The following POLR3E variants were observed in gnomAD, a reference collection of about 807,000 sequenced individuals.
The protein encoded by POLR3E is DNA-directed RNA polymerase III subunit RPC5.
POLR3E carries 41 observed loss-of-function variants against 96.6 expected under a neutral mutation model. The observed-to-expected ratio is 0.42, with a 90% CI of 0.33 to 0.55. POLR3E has a LOEUF of 0.55. Among genes scored for constraint, POLR3E ranks in the 20% least tolerant of loss-of-function variants. The pLI, the probability that POLR3E is intolerant of heterozygous loss-of-function variation, is 0.06. For synonymous variants in POLR3E, 396 were observed against 383.6 expected, an observed-to-expected ratio of 1.03 and a Z score of -0.38; for missense variants, 849 against 952.1, an observed-to-expected ratio of 0.89 and a Z score of 1.43.
rs747226605 is a variant in POLR3E at position 22,298,978 on chromosome 16, C to G, written c.-39+1441C>G. Reference sequence around the variant, plus strand: ...TTGAGGAAACTGAAGCACTGAGAAGCCTTCATGGAGCTTACGTTCTATTGC... The same window carrying G: ...TTGAGGAAACTGAAGCACTGAGAAGGCTTCATGGAGCTTACGTTCTATTGC... On this transcript the variant is annotated intron_variant, in intron 1 of 20. Transcript: ENST00000299853. 9.2e-5 allele frequency: 42 copies of G among 455,852 alleles called. 1 individual carries two copies. The highest frequency in any genetic ancestry group is 3.7e-4 in the South Asian group (24 of 64,556). The allele number at this position is 455,852 out of a possible 1,614,324, so 28.2% of individuals were successfully genotyped here.
intron 1 of POLR3E, 194 bp from the exon 2 acceptor site, chr16:22,302,737 C>A: frequency 1.7e-6 from 1 of 586,788 alleles, no homozygotes; most frequent in South Asian, 2.1e-5. Flanking sequence ...TTGAGTGTTT[C>A]TTTTTTTCTT....
At chr16:22,314,794 G>A (rs1169146445) in intron 8 of POLR3E, 12 of 242,542 alleles carry the variant, frequency 4.9e-5, no homozygotes, top group Non-Finnish European at 7.2e-5. Flanking sequence ...ACTTAGAAAA[G>A]GCATCCTGGG....
rs754280418 is a variant in POLR3E, at chr16:22,333,883, A to AAGTT, written c.*190_*193dup. 3 of 547,228 alleles carry AAGTT rather than the reference A, an allele frequency of 5.5e-6. No individual in the cohort carries two copies. In the African/African-American group the frequency reaches 5.6e-5, roughly 10 times the overall value. 33.9% of individuals were successfully genotyped at this position (547,228 alleles called of 1,614,324 possible). A position where few individuals can be genotyped will look rare whatever the true frequency, so the allele number is the denominator to read the frequency against. On this transcript the variant is annotated 3_prime_UTR_variant, in exon 21 of 21. Coordinates refer to ENST00000299853, the MANE Select transcript of POLR3E (RefSeq NM_018119.4). Reference sequence around the variant, plus strand: ...CCTCAGCCAGTCGCAGGGTCAGCTTAAGTTAGTTAGATCACTCCCAGAAGA... The same window carrying AAGTT: ...CCTCAGCCAGTCGCAGGGTCAGCTTAAGTTAGTTAGTTAGATCACTCCCAGAAGA...
Position 22,312,637 on chromosome 16 carries a change from C to T in POLR3E, c.365-983C>T, listed in dbSNP as rs962508361. On this transcript the variant is annotated intron_variant, in intron 6 of 20. Coordinates refer to ENST00000299853, the MANE Select transcript of POLR3E (RefSeq NM_018119.4). ...ATCCCAGGACTTTGGGAGGCCAAGA[C>T]GGGCAGATCACAAGGTCAGGAGATC... is the stretch of plus-strand genomic sequence containing the variant. Among the ~76,000 whole-genome samples, 5 of 152,004 alleles carry T rather than the reference C, an allele frequency of 3.3e-5. No homozygotes were observed. In the South Asian group the frequency reaches 6.2e-4, roughly 19 times the overall value.
At chr16:22,300,519 G>C (rs1307459530) in intron 1 of POLR3E, among the ~76,000 whole-genome samples, 1 of 152,214 alleles carries the variant, frequency 6.6e-6, no homozygotes, top group Non-Finnish European at 1.5e-5. Context: ...TTGCGTCTTG[G>C]GAACCTCCCA....
At chr16:22,329,083 C>T in intron 19 of POLR3E, 1 of 156,684 alleles carries the variant, frequency 6.4e-6, no homozygotes, top group South Asian at 1.9e-4. Context: ...AAGACTGTGT[C>T]TCAGAAAGAA....
intron 20 of POLR3E, among the ~76,000 whole-genome samples, chr16:22,332,564 A>C (rs2048763097): frequency 6.6e-6 from 1 of 152,098 alleles, no homozygotes; most frequent in African/African-American, 2.4e-5. Context: ...AAAACAATAG[A>C]ACAACAAAAA....
chr16:22,321,134 A>G (rs2048464150), intron 13 of POLR3E, among the ~76,000 whole-genome samples: 2 of 152,102 alleles, frequency 1.3e-5, no homozygotes, highest in Admixed American at 6.5e-5. Context: ...GGGATTAGGG[A>G]TGTCTGTTTT....
chr16:22,331,064 G>A (rs1463444634), intron 19 of POLR3E, among the ~76,000 whole-genome samples: 1 of 123,002 alleles, frequency 8.1e-6, no homozygotes, highest in East Asian at 2.6e-4. Context: ...GAGTGCAATG[G>A]CACGATCTCG....
intron 16 of POLR3E, 77 bp from the exon 17 acceptor site, chr16:22,325,128 A>C (rs556984609): frequency 9.0e-7 from 1 of 1,114,458 alleles, no homozygotes; most frequent in East Asian, 2.4e-5. Flanking sequence ...CCTGGGGCCT[A>C]AGGGGTGGTT....
intron 19 of POLR3E, among the ~76,000 whole-genome samples, chr16:22,329,864 A>G (rs1057386023): frequency 6.6e-6 from 1 of 151,966 alleles, no homozygotes; most frequent in Admixed American, 6.6e-5. Flanking sequence ...CCTGGCCTCA[A>G]GCAGTTCTCC....
intron 17 of POLR3E, 143 bp from the exon 18 acceptor site, chr16:22,325,618 C>A: frequency 1.0e-6 from 1 of 979,958 alleles, no homozygotes; most frequent in Non-Finnish European, 1.5e-6. Flanking sequence ...GTTCTCTCTT[C>A]CACTGATGGG....
intron 6 of POLR3E, 48 bp downstream of exon 6, chr16:22,309,558 G>A (rs573335690): frequency 7.5e-7 from 1 of 1,332,942 alleles, no homozygotes; most frequent in Non-Finnish European, 1.1e-6. Flanking sequence ...ATTGGGGGGG[G>A]CTGGGCAGGG....
In POLR3E at chr16:22,318,872, C is replaced by A. The variant is rs1383953030; in HGVS notation, c.912C>A (p.Ser304=). The change falls in exon 13 of 21, where the codon TCC becomes TCA. Residue 304 remains serine (S), a synonymous_variant. Coordinates refer to ENST00000299853, the MANE Select transcript of POLR3E (RefSeq NM_018119.4). The surrounding 1 kb of genome is among the most constrained non-coding windows in gnomAD (Gnocchi z 5.0). The part of the protein sequence containing the change: ...FANLMSLLGP[S]IDSVAVLRGI... Reference sequence around the variant, plus strand: ...ACTTGATGAGCCTCCTGGGCCCCTCCATCGATTCCGTGGCTGTTCTGCGGG... The same window carrying A: ...ACTTGATGAGCCTCCTGGGCCCCTCAATCGATTCCGTGGCTGTTCTGCGGG... The A allele has an allele frequency of 6.2e-7, 1 of 1,613,736 alleles. No homozygotes were observed. Among genetic ancestry groups the A allele is most frequent in the South Asian group, 1.1e-5 (1 of 91,048 alleles).
intron 9 of POLR3E, among the ~76,000 whole-genome samples, chr16:22,315,481 G>T (rs2048334859): frequency 6.6e-6 from 1 of 152,146 alleles, no homozygotes; most frequent in Non-Finnish European, 1.5e-5. Flanking sequence ...AGTGGGGCTA[G>T]TGCCTGGTAA....
At chr16:22,312,355 G>A (rs1227819369) in intron 6 of POLR3E, among the ~76,000 whole-genome samples, 5 of 152,088 alleles carry the variant, frequency 3.3e-5, no homozygotes, top group South Asian at 2.1e-4. Context: ...AAATTAGCCA[G>A]GCGTGGTGGT....
chr16:22,305,134 A>G (rs2048107985), intron 2 of POLR3E, 22 bp from the exon 3 acceptor site: 1 of 1,608,094 alleles, frequency 6.2e-7, no homozygotes, highest in Non-Finnish European at 8.5e-7. Flanking sequence ...CTCCCGGTTA[A>G]GTCGTCTTCC....
chr16:22,331,485 A>C (rs532289105), intron 19 of POLR3E: 1 of 152,402 alleles, frequency 6.6e-6, no homozygotes, highest in Non-Finnish European at 1.5e-5. Context: ...TTGAGTTCTT[A>C]TAAAATCCTG....
intron 14 of POLR3E, 95 bp downstream of exon 14, chr16:22,323,026 C>T (rs960048929): frequency 2.8e-5 from 22 of 793,892 alleles, no homozygotes; most frequent in Non-Finnish European, 4.7e-5. Flanking sequence ...GGCAGAGGCT[C>T]CAGGTGGAGG....
Sources: allele counts gnomAD v4.1 joint callset (sites outside exome capture counted in the v4.1 genomes callset), GRCh38; gene constraint gnomAD v4.1.1; non-coding constraint Gnocchi (gnomAD v3.1); transcripts MANE v1.5; gene names NCBI Gene and HGNC (gene_info 2026-07-23, HGNC 2026-07-21).